ERG: variants seen among roughly 807,000 people sequenced by gnomAD.
The protein encoded by ERG is ETS transcription factor ERG, also known as transcriptional regulator ERG.
A neutral mutation model predicts 55.3 loss-of-function variants in ERG; 9 were observed. That is an observed-to-expected ratio of 0.16 (90% CI 0.10 to 0.28). ERG has a LOEUF of 0.28. Ranked by LOEUF, ERG falls within the 10% of genes least tolerant of loss-of-function variation. ERG has a pLI of 1.00. For missense variants in ERG, 434 were observed against 631.6 expected, an observed-to-expected ratio of 0.69 and a Z score of 3.35; for synonymous variants, 223 against 237.3, an observed-to-expected ratio of 0.94 and a Z score of 0.55.
At chr21:38,651,476 A>G (rs1223337460) in intron 1 of ERG, among the ~76,000 whole-genome samples, 2 of 152,228 alleles carry the variant, frequency 1.3e-5, no homozygotes, top group South Asian at 2.1e-4. Flanking sequence ...AATATACACT[A>G]CACAATGGAT....
intron 2 of ERG, among the ~76,000 whole-genome samples, chr21:38,553,023 A>T (rs1027947711): frequency 1.3e-5 from 2 of 152,194 alleles, no homozygotes; most frequent in Non-Finnish European, 2.9e-5. Flanking sequence ...TACAAAAATC[A>T]GTAGCATTTC....
downstream of ERG, chr21:38,380,001 T>TTAA (rs1987352551): frequency 9.9e-7 from 1 of 1,008,416 alleles, no homozygotes; most frequent in Admixed American, 6.0e-5. Flanking sequence ...TAAACCAAGG[T>TTAA]TAAAAGATAA....
chr21:38,398,076 C>T (rs984098861), intron 6 of ERG, among the ~76,000 whole-genome samples: 3 of 152,184 alleles, frequency 2.0e-5, no homozygotes, highest in Non-Finnish European at 4.4e-5. Flanking sequence ...AAGAAACAGT[C>T]AACAATCACC....
chr21:38,424,980 A>G (rs1391661070), intron 2 of ERG, among the ~76,000 whole-genome samples: 1 of 152,232 alleles, frequency 6.6e-6, no homozygotes, highest in Non-Finnish European at 1.5e-5. Flanking sequence ...ATTTGGATAA[A>G]GTCAAACCTA....
At chr21:38,465,863 C>G (rs1446679623) in intron 1 of ERG, among the ~76,000 whole-genome samples, 1 of 152,170 alleles carries the variant, frequency 6.6e-6, no homozygotes, top group Non-Finnish European at 1.5e-5. Context: ...TTGATCCCAT[C>G]CCCATCAAAA....
intron 2 of ERG, among the ~76,000 whole-genome samples, chr21:38,508,375 C>G (rs770220883): frequency 1.3e-5 from 2 of 151,798 alleles, no homozygotes; most frequent in Non-Finnish European, 2.9e-5. Flanking sequence ...GCTAATAGTA[C>G]CTGTAAGCAA....
intron 1 of ERG, among the ~76,000 whole-genome samples, chr21:38,446,683 TA>T (rs1040127802): frequency 3.3e-5 from 5 of 151,048 alleles, no homozygotes; most frequent in East Asian, 1.9e-4. Context: ...CATTTTTATT[TA>T]AAAAAAAAGA....
At chr21:38,643,492 G>C (rs1398262502) in intron 1 of ERG, among the ~76,000 whole-genome samples, 1 of 152,148 alleles carries the variant, frequency 6.6e-6, no homozygotes, top group Non-Finnish European at 1.5e-5. Context: ...CCAACAACAT[G>C]CTATTTCCTG....
chr21:38,468,153 T>C (rs2059106711), intron 1 of ERG, among the ~76,000 whole-genome samples: 1 of 152,134 alleles, frequency 6.6e-6, no homozygotes, highest in Non-Finnish European at 1.5e-5. Flanking sequence ...AGCCCTTAGG[T>C]GGAATGAGAC....
chr21:38,423,529 C>A lies in ERG; in HGVS notation c.269G>T (p.Gly90Val). The stretch of plus-strand genomic sequence containing the variant: ...GTCTGGGCTGCCCACCATCTTCCCG[C>A]CTTTGGCCACACTGCATTCATCAGG... ...NSPDECSVAK[G>V]GKMVGSPDTV... is the part of the protein sequence containing the mutation. Residue 90 changes from glycine to valine, a missense_variant, in exon 3 of 10, where the codon GGC (glycine) becomes GTC (valine). This residue lies in a region of ERG where 212 missense variants were observed against 262.9 expected (regional missense o/e 0.81). Transcript: ENST00000288319. The A allele has an allele frequency of 6.2e-7, 1 of 1,614,066 alleles. No homozygotes were observed. Among genetic ancestry groups the A allele is most frequent in the Non-Finnish European group, 8.5e-7 (1 of 1,179,918 alleles).
At chr21:38,610,865 C>G (rs975241321) in intron 1 of ERG, among the ~76,000 whole-genome samples, 1 of 152,152 alleles carries the variant, frequency 6.6e-6, no homozygotes, top group African/African-American at 2.4e-5. Flanking sequence ...CCAAGGACAA[C>G]AAGAATAGGC....
intron 2 of ERG, among the ~76,000 whole-genome samples, chr21:38,562,513 T>G (rs535878103): frequency 4.6e-5 from 7 of 152,302 alleles, no homozygotes; most frequent in Middle Eastern, 3.4e-3. Flanking sequence ...TGAACTAGGA[T>G]CTGCTCTTAG....
chr21:38,377,161 C>A (rs1396420841), downstream of ERG, among the ~76,000 whole-genome samples: 1 of 152,156 alleles, frequency 6.6e-6, no homozygotes, highest in African/African-American at 2.4e-5. Context: ...TATCTCAAAG[C>A]GGTATTGTGC....
intron 1 of ERG, among the ~76,000 whole-genome samples, chr21:38,581,960 G>A (rs1255539499): frequency 1.3e-5 from 2 of 150,972 alleles, no homozygotes; most frequent in African/African-American, 4.9e-5. Flanking sequence ...GGAGAATGGC[G>A]TGAACCCGGG....
chr21:38,646,324 G>A (rs1037294709), intron 1 of ERG, among the ~76,000 whole-genome samples: 4 of 149,856 alleles, frequency 2.7e-5, no homozygotes, highest in East Asian at 2.0e-4. Context: ...CAAAACAGTC[G>A]CTTCTGCACT....
chr21:38,594,348 C>T (rs964408474), intron 1 of ERG, among the ~76,000 whole-genome samples: 1 of 152,190 alleles, frequency 6.6e-6, no homozygotes, highest in Admixed American at 6.5e-5. Flanking sequence ...CACTCAGGAC[C>T]TGAGGTTGAC....
intron 2 of ERG, among the ~76,000 whole-genome samples, chr21:38,428,343 C>T (rs1001232181): frequency 6.6e-6 from 1 of 152,204 alleles, no homozygotes; most frequent in African/African-American, 2.4e-5. Flanking sequence ...TCCACTGCAA[C>T]CCCACCTTCA....
At chr21:38,641,825 G>C (rs561216318) in intron 1 of ERG, among the ~76,000 whole-genome samples, 2 of 152,052 alleles carry the variant, frequency 1.3e-5, no homozygotes, top group African/African-American at 2.4e-5. Flanking sequence ...TTTCAAGAGC[G>C]TATCTCAGTC....
intron 2 of ERG, among the ~76,000 whole-genome samples, chr21:38,432,578 A>G (rs1990265393): frequency 6.6e-6 from 1 of 152,220 alleles, no homozygotes; most frequent in African/African-American, 2.4e-5. Flanking sequence ...CCACGTGTTT[A>G]TGTTATAATA....
Sources: allele counts gnomAD v4.1 joint callset (sites outside exome capture counted in the v4.1 genomes callset), GRCh38; gene constraint gnomAD v4.1.1; regional missense constraint gnomAD v4.1.1; transcripts MANE v1.5; gene names NCBI Gene and HGNC (gene_info 2026-07-23, HGNC 2026-07-21).